ALLC: variants seen among roughly 807,000 people sequenced by gnomAD.
ALLC encodes the protein probable inactive allantoicase.
Under a neutral mutation model 45.0 loss-of-function variants are expected in ALLC, and 40 were observed. The observed-to-expected ratio is 0.89, with a 90% confidence interval of 0.69 to 1.16. The LOEUF (loss-of-function observed/expected upper bound fraction) is 1.16, where lower values mean the gene tolerates loss of function less well. ALLC is among the 50% of genes most tolerant of loss of function. ALLC has a pLI of 0.00. For synonymous variants in ALLC, 176 were observed against 178.1 expected (o/e 0.99, Z 0.09); for missense variants, 488 against 493.1 (o/e 0.99, Z 0.10).
chr2:3,671,993 CCGAGGTCCTCTGGCTCTAGTTAGAT>C (rs1207477974), intron 2 of ALLC, among the ~76,000 whole-genome samples: 2 of 104,916 alleles, frequency 1.9e-5, no homozygotes, highest in African/African-American at 9.2e-5. Context: ...CTATTTAGAT[CCGAGGTCCTCTGGCTCTAGTTAGAT>C]CCGAGGTCCT....
At chr2:3,666,339 A>G (rs1666723902) in intron 1 of ALLC, among the ~76,000 whole-genome samples, 1 of 152,232 alleles carries the variant, frequency 6.6e-6, no homozygotes, top group Non-Finnish European at 1.5e-5. Context: ...GTAGTGACTT[A>G]GCGTATCACA....
chr2:3,656,483 C>T (rs894378273), upstream of ALLC, among the ~76,000 whole-genome samples: 1 of 152,260 alleles, frequency 6.6e-6, no homozygotes, highest in Non-Finnish European at 1.5e-5. Flanking sequence ...GCACTAGAAA[C>T]TTACCTCATA....
chr2:3,659,851 G>A (rs1478593043), intron 1 of ALLC, among the ~76,000 whole-genome samples: 1 of 152,232 alleles, frequency 6.6e-6, no homozygotes, highest in East Asian at 1.9e-4. Flanking sequence ...TGTGGCTGAG[G>A]AGAGAAACTT....
chr2:3,689,837 A>G (rs565606632), intron 7 of ALLC, among the ~76,000 whole-genome samples: 3 of 150,374 alleles, frequency 2.0e-5, no homozygotes, highest in South Asian at 4.2e-4. Flanking sequence ...ATTGCAGTCT[A>G]TTTATCCCTT....
upstream of ALLC, among the ~76,000 whole-genome samples, chr2:3,653,552 T>C (rs1394766702): frequency 6.6e-6 from 1 of 152,186 alleles, no homozygotes; most frequent in African/African-American, 2.4e-5. The surrounding 1 kb of genome is among the most constrained non-coding windows in gnomAD (Gnocchi z 4.1). Flanking sequence ...CTGGGGTAGG[T>C]CCTTCTGCTA....
chr2:3,651,093 T>A, the ALLC span, among the ~76,000 whole-genome samples: 1 of 152,016 alleles, frequency 6.6e-6, no homozygotes, highest in Non-Finnish European at 1.5e-5. Flanking sequence ...CGCGTGTATT[T>A]CTCAGAGCCC....
At chr2:3,673,182 C>A (rs1459094853) in intron 2 of ALLC, among the ~76,000 whole-genome samples, 1 of 152,214 alleles carries the variant, frequency 6.6e-6, no homozygotes, top group Admixed American at 6.5e-5. Flanking sequence ...GCAAGGGAGC[C>A]CACATGCTCC....
intron 3 of ALLC, among the ~76,000 whole-genome samples, chr2:3,677,615 G>A (rs1391105213): frequency 2.0e-5 from 3 of 152,168 alleles, no homozygotes; most frequent in Non-Finnish European, 4.4e-5. Flanking sequence ...GTTGGCCACG[G>A]GTCCCCTGCC....
At chr2:3,655,786 C>T (rs1319657406), upstream of ALLC, among the ~76,000 whole-genome samples, 2 of 152,122 alleles carry the variant, frequency 1.3e-5, no homozygotes, top group African/African-American at 4.8e-5. Flanking sequence ...TAAGTATTTG[C>T]CTAATTAAAG....
intron 1 of ALLC, among the ~76,000 whole-genome samples, chr2:3,668,566 C>CTTTTTTTTTTTTTTTTTTT (rs1173613810): frequency 2.8e-5 from 2 of 71,886 alleles, no homozygotes; most frequent in African/African-American, 1.5e-4. Flanking sequence ...ATGTGTATGA[C>CTTTTTTTTTTTTTTTTTTT]TTTTTTTTTT....
Position 3,683,045 on chromosome 2 carries a change from G to A in ALLC, c.482G>A (p.Trp161Ter), listed in dbSNP as rs200104628. ...TTTCTTGTCAATTCCCAGCAGAGAT[G>A]GACTCATATCAGACTCAACATTTTC... is the stretch of plus-strand genomic sequence containing the variant. Reference protein sequence around the residue: ...NYFLVNSQQRWTHIRLNIFPD... With the variant: ...NYFLVNSQQR The change falls in exon 7 of 12, where the codon TGG (tryptophan) becomes TAG (stop). Residue 161 changes from tryptophan (W) to a stop codon, truncating the protein, a stop_gained. Transcript: ENST00000252505. LOFTEE classifies it high-confidence loss of function. 1,621 of 1,613,880 alleles carry A rather than the reference G, an allele frequency of 1.0e-3. 2 individuals carry two copies. Among genetic ancestry groups the A allele is most frequent in the Non-Finnish European group, 1.3e-3 (1,545 of 1,179,828 alleles).
chr2:3,659,052 T>A (rs940358186), intron 1 of ALLC, among the ~76,000 whole-genome samples: 6 of 152,210 alleles, frequency 3.9e-5, no homozygotes, highest in African/African-American at 1.4e-4. Context: ...GTCACTCTAA[T>A]TTTGTCCCAA....
In ALLC at chr2:3,678,518, G is replaced by A; in HGVS notation, c.135G>A (p.Trp45Ter). Residue 45 changes from tryptophan (W) to a stop codon, truncating the protein, a stop_gained, in exon 4 of 12, where the codon TGG (tryptophan) becomes TGA (stop). Coordinates refer to ENST00000252505, the MANE Select transcript of ALLC (RefSeq NM_018436.4). LOFTEE classifies it high-confidence loss of function. ...KEHEYTEFGK[W>*]MDGWETRRKR... Reference sequence around the variant, plus strand: ...ATGAATATACGGAGTTTGGGAAATGGATGGATGGCTGGGAGACCAGGAGGA... The same window carrying A: ...ATGAATATACGGAGTTTGGGAAATGAATGGATGGCTGGGAGACCAGGAGGA... 6.2e-7 allele frequency: 1 copy of A among 1,614,008 alleles called. No homozygotes were observed. Among genetic ancestry groups the A allele is most frequent in the South Asian group, 1.1e-5 (1 of 91,090 alleles).
chr2:3,671,108 A>C lies in ALLC; in HGVS notation c.-50A>C, dbSNP rs1666856708. ...CTCTCCCTTCCAGGAAGCACGGCTG[A>C]TGCTCCGAAGGAGGGAAGACTGACC... On this transcript the variant is annotated 5_prime_UTR_variant, in exon 2 of 12. The change abolishes an upstream ATG in the 5' untranslated region. Coordinates refer to ENST00000252505, the MANE Select transcript of ALLC (RefSeq NM_018436.4). 1 of 1,596,936 alleles carries C rather than the reference A, an allele frequency of 6.3e-7. No homozygotes were observed. Among genetic ancestry groups the C allele is most frequent in the Non-Finnish European group, 8.5e-7 (1 of 1,171,480 alleles).
chr2:3,682,705 C>T (rs572177802), intron 6 of ALLC, among the ~76,000 whole-genome samples: 6,989 of 151,998 alleles, frequency 0.046, 236 homozygotes, highest in Non-Finnish European at 0.075. Flanking sequence ...TTTTGTATTT[C>T]TAGTACAGAC....
At chr2:3,660,841 G>GCAGGTGATCGGAATGAGTCAGGGTGGAC (rs1666555646) in intron 1 of ALLC, among the ~76,000 whole-genome samples, 2 of 151,528 alleles carry the variant, frequency 1.3e-5, no homozygotes, top group African/African-American at 4.8e-5. Flanking sequence ...TCAGGGTGGA[G>GCAGGTGATCGGAATGAGTCAGGGTGGAC]CAGGTGATCG....
Position 3,681,828 on chromosome 2 carries a change from C to T in ALLC, c.378+115C>T, listed in dbSNP as rs930137227. ...CTTTGGGACGCCCAGCCCTGATGCT[C>T]CCCACATCATTTGCTTACCCACTGT... On this transcript the variant is annotated intron_variant, in intron 6 of 11. Transcript: ENST00000252505. 1.9e-5 allele frequency: 14 copies of T among 743,812 alleles called. No individual in the cohort carries two copies. In the East Asian group the frequency reaches 3.4e-4, roughly 18 times the overall value. The allele number at this position is 743,812 out of a possible 1,614,324, so 46.1% of individuals were successfully genotyped here.
rs867754274 is a variant in ALLC at position 3,671,186 on chromosome 2, G to C, written c.29G>C (p.Gly10Ala). ...GACATGGCATCTGAATCCGTAGGAGGAAAAGTAAGTGGGTCTCTCATGGCC... is the reference window on the plus strand; with the variant it reads ...GACATGGCATCTGAATCCGTAGGAGCAAAAGTAAGTGGGTCTCTCATGGCC... MDMASESVG[G>A]KILFATDDFF... Residue 10 changes from glycine to alanine, a missense_variant, in exon 2 of 12, where the codon GGA becomes GCA. Gly to Ala is a moderately conservative substitution (Grantham distance 60). Transcript: ENST00000252505. The C allele has an allele frequency of 1.2e-6, 2 of 1,610,834 alleles. No individual in the cohort carries two copies. The highest frequency in any genetic ancestry group is 2.7e-5 in the African/African-American group (2 of 74,910).
the ALLC span, among the ~76,000 whole-genome samples, chr2:3,650,283 G>A: frequency 6.6e-6 from 1 of 152,198 alleles, no homozygotes; most frequent in African/African-American, 2.4e-5. Flanking sequence ...TCCTGCAGGA[G>A]CTCCCACTGC....
Sources: gnomAD v4.1 joint callset for allele counts (sites outside exome capture counted in the v4.1 genomes callset) on GRCh38, gnomAD v4.1.1 for gene constraint, Gnocchi (gnomAD v3.1) non-coding constraint, MANE v1.5 for transcripts, NCBI Gene and HGNC (gene_info 2026-07-23, HGNC 2026-07-21) for gene names.